DPP10: variants seen among roughly 807,000 people sequenced by gnomAD.
DPP10 encodes the protein inactive dipeptidyl peptidase 10.
Under a neutral mutation model 120.9 loss-of-function variants are expected in DPP10, and 33 were observed. The ratio of observed to expected loss-of-function variants is 0.27; its 90% CI spans 0.21 to 0.37. The LOEUF is 0.37. Among genes scored for constraint, DPP10 ranks in the 10% least tolerant of loss-of-function variants. The pLI is 1.00. For synonymous variants in DPP10, 337 were observed against 326.1 expected, an observed-to-expected ratio of 1.03 and a Z score of -0.36; for missense variants, 816 against 942.8, an observed-to-expected ratio of 0.87 and a Z score of 1.76.
At chr2:115,226,915 C>T (rs2057461998) in intron 1 of DPP10, among the ~76,000 whole-genome samples, 2 of 152,026 alleles carry the variant, frequency 1.3e-5, no homozygotes, top group African/African-American at 4.8e-5. Flanking sequence ...GCATTCATTT[C>T]GGAAGAACTA....
At chr2:115,706,695 A>C (rs1380047905) in intron 7 of DPP10, among the ~76,000 whole-genome samples, 1 of 152,010 alleles carries the variant, frequency 6.6e-6, no homozygotes, top group Non-Finnish European at 1.5e-5. Context: ...TCAGCAGTCT[A>C]AACAAAAACT....
chr2:115,298,401 A>G (rs56367866), intron 1 of DPP10, among the ~76,000 whole-genome samples: 32,683 of 151,956 alleles, frequency 0.22, 3,941 homozygotes, highest in East Asian at 0.37. Flanking sequence ...TAATGCATCT[A>G]CCAAATTCCT....
rs546397436 is a variant in DPP10, at chr2:115,183,043, GCACACATGCA to G, written c.61-126191_61-126182del. 6.1e-3 allele frequency among the ~76,000 whole-genome samples: 929 copies of G among 152,064 alleles called. 3 individuals are homozygous for G. Among genetic ancestry groups the G allele is most frequent in the Non-Finnish European group, 0.01 (682 of 67,988 alleles). ...CACACACACACACGTACGTGCATGC[GCACACATGCA>G]CACAGAGGCACGCACATTAACTAAG... On this transcript the variant is annotated intron_variant, in intron 1 of 25. Transcript: ENST00000410059.
chr2:115,017,972 C>A (rs11899795), intron 1 of DPP10, among the ~76,000 whole-genome samples: 58,052 of 150,996 alleles, frequency 0.38, 11,777 homozygotes, highest in East Asian at 0.49. Context: ...CTGCACGTTG[C>A]GCACATGTAC....
At chr2:115,120,859 C>T (rs11123281) in intron 1 of DPP10, among the ~76,000 whole-genome samples, 38,444 of 152,036 alleles carry the variant, frequency 0.25, 5,287 homozygotes, top group East Asian at 0.31. Flanking sequence ...TTCTTTATAA[C>T]CTTTCTTACC....
chr2:115,777,378 C>T, intron 14 of DPP10, 79 bp downstream of exon 14: 1 of 1,311,578 alleles, frequency 7.6e-7, no homozygotes, highest in Admixed American at 1.8e-5. Context: ...TTATGTTTTG[C>T]TTACCATAGT....
intron 1 of DPP10, among the ~76,000 whole-genome samples, chr2:114,899,946 C>T (rs779874435): frequency 1.3e-5 from 2 of 152,114 alleles, no homozygotes; most frequent in East Asian, 1.9e-4. Flanking sequence ...GGTGACAGAG[C>T]GAGACTCCGT....
chr2:115,144,101 T>A (rs560942436), intron 1 of DPP10: 1 of 152,202 alleles, frequency 6.6e-6, no homozygotes, highest in Non-Finnish European at 1.5e-5. Flanking sequence ...GATTTAAACA[T>A]AAATTATTTG....
At chr2:114,651,927 G>T (rs1696614549) in intron 1 of DPP10, among the ~76,000 whole-genome samples, 1 of 152,182 alleles carries the variant, frequency 6.6e-6, no homozygotes, top group African/African-American at 2.4e-5. Context: ...TAATGTGCTT[G>T]CCCGGAAGAT....
Position 114,663,271 on chromosome 2 carries a change from T to TATAC in DPP10, c.60+220434_60+220435insTACA, listed in dbSNP as rs375462897. Among the ~76,000 whole-genome samples the TATAC allele has an allele frequency of 3.7e-3, 549 of 147,316 alleles. 4 individuals carry two copies. Among genetic ancestry groups the TATAC allele is most frequent in the South Asian group, 5.7e-3 (27 of 4,708 alleles). On this transcript the variant is annotated intron_variant, in intron 1 of 25. Transcript: ENST00000410059. ...ATATATATATATATCTATATATATA[T>TATAC]ACACACACATATATGTATACATATA...
intron 1 of DPP10, among the ~76,000 whole-genome samples, chr2:115,200,477 A>G (rs1252281199): frequency 6.6e-6 from 1 of 152,216 alleles, no homozygotes; most frequent in Non-Finnish European, 1.5e-5. Flanking sequence ...CAACAAAGGA[A>G]GCTCCGTTCA....
At chr2:115,715,787 C>T (rs976273197) in intron 7 of DPP10, among the ~76,000 whole-genome samples, 7 of 152,216 alleles carry the variant, frequency 4.6e-5, no homozygotes, top group Admixed American at 2.0e-4. Flanking sequence ...AAAACTATTT[C>T]TCCCAAATAG....
At chr2:115,004,338 G>A (rs1701654817) in intron 1 of DPP10, among the ~76,000 whole-genome samples, 1 of 151,590 alleles carries the variant, frequency 6.6e-6, no homozygotes, top group South Asian at 2.1e-4. Flanking sequence ...TTAGCATATA[G>A]AAAAGACAAA....
chr2:115,079,176 C>A (rs1292920116), intron 1 of DPP10, among the ~76,000 whole-genome samples: 1 of 151,970 alleles, frequency 6.6e-6, no homozygotes, highest in African/African-American at 2.4e-5. Flanking sequence ...GTCAGGAGAT[C>A]GAGACCATCC....
intron 1 of DPP10, among the ~76,000 whole-genome samples, chr2:115,244,233 T>TAG (rs1411986531): frequency 2.3e-5 from 1 of 44,380 alleles, no homozygotes; most frequent in East Asian, 4.4e-4. Flanking sequence ...TATATATATA[T>TAG]ATATATAGAG....
At chr2:115,678,016 C>A (rs2090395232) in intron 5 of DPP10, among the ~76,000 whole-genome samples, 1 of 152,028 alleles carries the variant, frequency 6.6e-6, no homozygotes, top group Non-Finnish European at 1.5e-5. Flanking sequence ...ATACTTAGAG[C>A]CAAAAACAAG....
At chr2:115,350,653 C>T (rs2063965752) in intron 3 of DPP10, among the ~76,000 whole-genome samples, 1 of 152,066 alleles carries the variant, frequency 6.6e-6, no homozygotes, top group African/African-American at 2.4e-5. Context: ...TGAGAATGTT[C>T]TTAGCACAGC....
At chr2:114,812,627 TA>T (rs781524604) in intron 1 of DPP10, among the ~76,000 whole-genome samples, 40 of 123,242 alleles carry the variant, frequency 3.2e-4, no homozygotes, top group South Asian at 9.7e-4. Flanking sequence ...CAATTATAAT[TA>T]AAAAAAAACG....
chr2:114,983,747 G>GTCAAGCACTTTTTAAATTGTC (rs1393104119), intron 1 of DPP10, among the ~76,000 whole-genome samples: 58 of 152,260 alleles, frequency 3.8e-4, no homozygotes, highest in Non-Finnish European at 6.8e-4. Flanking sequence ...CTCACTACAA[G>GTCAAGCACTTTTTAAATTGTC]TCAAGCACTT....
Sources: allele counts gnomAD v4.1 joint callset (sites outside exome capture counted in the v4.1 genomes callset), GRCh38; gene constraint gnomAD v4.1.1; transcripts MANE v1.5; gene names NCBI Gene and HGNC (gene_info 2026-07-23, HGNC 2026-07-21).